Variants in PRIM2 observed in about 807,000 individuals in gnomAD.
PRIM2 encodes the protein DNA primase large subunit.
Under a neutral mutation model 67.3 loss-of-function variants are expected in PRIM2, and 39 were observed. The observed-to-expected ratio is 0.58, with a 90% CI of 0.45 to 0.76. PRIM2 has a LOEUF of 0.76. Ranked by LOEUF, PRIM2 falls within the 30% of genes least tolerant of loss-of-function variation. The pLI, the probability that PRIM2 is intolerant of heterozygous loss-of-function variation, is 0.00. For synonymous variants in PRIM2, 143 were observed against 198.7 expected, an observed-to-expected ratio of 0.72 and a Z score of 2.36; for missense variants, 398 against 598.7, an observed-to-expected ratio of 0.66 and a Z score of 3.50.
At chr6:57,578,718 C>G (rs1776009725) in intron 10 of PRIM2, among the ~76,000 whole-genome samples, 1 of 146,102 alleles carries the variant, frequency 6.8e-6, no homozygotes, top group Non-Finnish European at 1.5e-5. Context: ...GCTCTGTCGC[C>G]CAGGCTGGAG....
chr6:57,519,988 A>G (rs1388163627), intron 8 of PRIM2, among the ~76,000 whole-genome samples: 1 of 152,196 alleles, frequency 6.6e-6, no homozygotes, highest in Non-Finnish European at 1.5e-5. Context: ...ATTCAAAAAC[A>G]AAACCAGGAA....
chr6:57,572,386 G>T (rs1345438515), intron 10 of PRIM2, among the ~76,000 whole-genome samples: 2 of 152,132 alleles, frequency 1.3e-5, no homozygotes, highest in Admixed American at 1.3e-4. Flanking sequence ...TTTTCCCTTA[G>T]TGCAATTAAG....
the PRIM2 span, among the ~76,000 whole-genome samples, chr6:57,300,399 C>T: frequency 6.6e-6 from 1 of 152,138 alleles, no homozygotes; most frequent in Non-Finnish European, 1.5e-5. Flanking sequence ...GGCAAGGATA[C>T]TTGCTGTTCA....
At chr6:57,604,310 T>C (rs1776523322) in intron 11 of PRIM2, among the ~76,000 whole-genome samples, 1 of 152,178 alleles carries the variant, frequency 6.6e-6, no homozygotes, top group Non-Finnish European at 1.5e-5. Context: ...TTTTGTATAT[T>C]AATTTTGTAT....
chr6:57,484,834 CT>C (rs1773717083), intron 7 of PRIM2, among the ~76,000 whole-genome samples: 1 of 152,154 alleles, frequency 6.6e-6, no homozygotes, highest in Non-Finnish European at 1.5e-5. Flanking sequence ...CCAACCTTCC[CT>C]TATTACTCCC....
intron 7 of PRIM2, among the ~76,000 whole-genome samples, chr6:57,424,983 A>T (rs560814833): frequency 6.6e-4 from 101 of 152,288 alleles, no homozygotes; most frequent in African/African-American, 2.4e-3. Flanking sequence ...AGGATAGAGG[A>T]ATACCAAATG....
chr6:57,310,800 C>T (rs1297146100), upstream of PRIM2, among the ~76,000 whole-genome samples: 47 of 148,298 alleles, frequency 3.2e-4, no homozygotes, highest in Admixed American at 9.4e-4. Context: ...CAGGCAGAGG[C>T]GCCCCTCACT....
intron 10 of PRIM2, among the ~76,000 whole-genome samples, chr6:57,568,559 A>G (rs1263002999): frequency 6.6e-6 from 1 of 152,256 alleles, no homozygotes; most frequent in East Asian, 1.9e-4. Flanking sequence ...ACACCATTGT[A>G]GAACATTATG....
chr6:57,291,426 G>C, the PRIM2 span, among the ~76,000 whole-genome samples: 6 of 152,224 alleles, frequency 3.9e-5, no homozygotes, highest in East Asian at 1.2e-3. Context: ...GTACAAAGAG[G>C]AGCTGCTACC....
At chr6:57,343,772 T>C (rs1581810668) in intron 5 of PRIM2, among the ~76,000 whole-genome samples, 2 of 152,286 alleles carry the variant, frequency 1.3e-5, no homozygotes, top group East Asian at 3.9e-4. Context: ...AAATTATTCA[T>C]GTCATTTGTT....
At chr6:57,298,230 G>A in the PRIM2 span, among the ~76,000 whole-genome samples, 1 of 151,884 alleles carries the variant, frequency 6.6e-6, no homozygotes, top group Admixed American at 6.6e-5. Flanking sequence ...GCATGGTGGC[G>A]GGCACCTGTA....
chr6:57,396,739 T>C (rs113168181), intron 7 of PRIM2, among the ~76,000 whole-genome samples: 9,245 of 152,254 alleles, frequency 0.061, 379 homozygotes, highest in Admixed American at 0.1. Flanking sequence ...GTTTTTTAAA[T>C]TGTATTTTTG....
At chr6:57,604,573 C>A (rs1776527209) in intron 11 of PRIM2, among the ~76,000 whole-genome samples, 7 of 151,852 alleles carry the variant, frequency 4.6e-5, no homozygotes. Flanking sequence ...TGAGCTTTGG[C>A]CCATTCAGTA....
chr6:57,592,436 T>C lies in PRIM2; in HGVS notation c.1021-8657T>C, dbSNP rs1776296561. On this transcript the variant is annotated intron_variant, in intron 10 of 13. Coordinates refer to ENST00000615550, the MANE Select transcript of PRIM2 (RefSeq NM_000947.5). ...TACAAATCTCTCTCTAAAGGATACT[T>C]TTTAACCATTCTCACTTTATTGTTC... Among the ~76,000 whole-genome samples, 3 of 152,318 alleles carry C rather than the reference T, an allele frequency of 2.0e-5. No individual in the cohort carries two copies. In the South Asian group the frequency reaches 6.2e-4, roughly 32 times the overall value.
intron 12 of PRIM2, among the ~76,000 whole-genome samples, chr6:57,623,956 TAAAC>T (rs1776901936): frequency 6.6e-6 from 1 of 152,232 alleles, no homozygotes; most frequent in Admixed American, 6.5e-5. Flanking sequence ...CATCTTTTAA[TAAAC>T]AATCTAAAGT....
At chr6:57,624,013 T>A (rs1321011531) in intron 12 of PRIM2, among the ~76,000 whole-genome samples, 2 of 144,318 alleles carry the variant, frequency 1.4e-5, no homozygotes, top group South Asian at 4.5e-4. Flanking sequence ...ATAAGTATAA[T>A]CTTCTAAAGT....
At chr6:57,262,616 G>A in the PRIM2 span, among the ~76,000 whole-genome samples, 6 of 152,114 alleles carry the variant, frequency 3.9e-5, no homozygotes, top group Admixed American at 2.0e-4. Context: ...CAAGGGTGTT[G>A]CCTCTTAGTG....
chr6:57,503,896 G>T (rs1774198195), intron 7 of PRIM2, among the ~76,000 whole-genome samples: 1 of 152,218 alleles, frequency 6.6e-6, no homozygotes, highest in Admixed American at 6.5e-5. Context: ...CTGTGAGGAG[G>T]TGATATTTGA....
intron 12 of PRIM2, among the ~76,000 whole-genome samples, chr6:57,612,790 C>A (rs1273838017): frequency 7.4e-6 from 1 of 135,942 alleles, no homozygotes; most frequent in Non-Finnish European, 1.6e-5. Context: ...TTTTTCTTTT[C>A]GCCTTTTTTT....
Sources: gnomAD v4.1 joint callset for allele counts (sites outside exome capture counted in the v4.1 genomes callset) on GRCh38, gnomAD v4.1.1 for gene constraint, MANE v1.5 for transcripts, NCBI Gene and HGNC (gene_info 2026-07-23, HGNC 2026-07-21) for gene names.